The following FAAH2 variants were observed in gnomAD, a reference collection of about 807,000 sequenced individuals.
The protein encoded by FAAH2 is fatty acid amide hydrolase 2, also known as fatty-acid amide hydrolase 2.
Under a neutral mutation model 36.9 loss-of-function variants are expected in FAAH2, and 60 were observed. The observed-to-expected ratio is 1.63, with a 90% CI of 1.32 to 2.02. The LOEUF (loss-of-function observed/expected upper bound fraction) is 2.02. Among genes scored for constraint, FAAH2 ranks in the 30% most tolerant of loss-of-function variants. The pLI is 0.00. For synonymous variants in FAAH2, 214 were observed against 143.8 expected, an observed-to-expected ratio of 1.49 and a Z score of -3.49; for missense variants, 689 against 397.5, an observed-to-expected ratio of 1.73 and a Z score of -6.23.
chrX:57,151,005 T>G, the FAAH2 span, among the ~76,000 whole-genome samples: 2 of 111,869 alleles, frequency 1.8e-5, no homozygotes, highest in Non-Finnish European at 3.8e-5. Context: ...TATTTTATTT[T>G]TCCTTCACTT....
intron 5 of FAAH2, among the ~76,000 whole-genome samples, chrX:57,356,077 T>G (rs2054150695): frequency 9.0e-6 from 1 of 111,370 alleles, no homozygotes; most frequent in Non-Finnish European, 1.9e-5. Context: ...TGTGGATTAA[T>G]ACATTGATTT....
chrX:57,372,473 T>C (rs964249786), intron 5 of FAAH2, among the ~76,000 whole-genome samples: 4 of 111,448 alleles, frequency 3.6e-5, no homozygotes, highest in African/African-American at 1.3e-4. Flanking sequence ...TCTGTTCATG[T>C]GTCTTGTTCA....
chrX:57,239,134 AT>A, the FAAH2 span, among the ~76,000 whole-genome samples: 2 of 111,314 alleles, frequency 1.8e-5, no homozygotes, highest in African/African-American at 6.5e-5. Flanking sequence ...ATAGTGCTCT[AT>A]TTTTTGGAAT....
chrX:57,422,903 T>C (rs1173235163), intron 7 of FAAH2, among the ~76,000 whole-genome samples: 1 of 112,405 alleles, frequency 8.9e-6, no homozygotes, highest in Non-Finnish European at 1.9e-5. Flanking sequence ...TGAAATAAAC[T>C]TCAGAAACTT....
intron 4 of FAAH2, among the ~76,000 whole-genome samples, chrX:57,340,603 A>C (rs895809202): frequency 1.1e-4 from 12 of 112,205 alleles, no homozygotes; most frequent in Admixed American, 1.0e-3. Context: ...ACGGAATGCT[A>C]TTCAGCCATG....
chrX:57,457,674 G>T (rs1390941389), intron 10 of FAAH2, among the ~76,000 whole-genome samples: 2 of 69,161 alleles, frequency 2.9e-5, no homozygotes, highest in Non-Finnish European at 5.8e-5. Flanking sequence ...ATCAAATGAA[G>T]AACAGAATTC....
At chrX:57,226,783 C>T in the FAAH2 span, among the ~76,000 whole-genome samples, 2 of 111,815 alleles carry the variant, frequency 1.8e-5, no homozygotes, top group Admixed American at 9.4e-5. Flanking sequence ...TCAGGAATAC[C>T]GATTATTCTT....
At chrX:57,252,249 G>A in the FAAH2 span, among the ~76,000 whole-genome samples, 1 of 112,869 alleles carries the variant, frequency 8.9e-6, no homozygotes, top group African/African-American at 3.2e-5. Context: ...CTCTAACAGA[G>A]CAGAGCCCAC....
At chrX:57,486,189 C>A (rs781676392) in intron 10 of FAAH2, among the ~76,000 whole-genome samples, 1 of 112,070 alleles carries the variant, frequency 8.9e-6, no homozygotes, top group South Asian at 3.7e-4. Flanking sequence ...TGCTCTTAGG[C>A]TCGAGGAGGT....
chrX:57,449,484 CTTGCAGTG>C (rs2056744394), intron 10 of FAAH2, among the ~76,000 whole-genome samples: 1 of 111,769 alleles, frequency 8.9e-6, no homozygotes, highest in South Asian at 3.7e-4. Flanking sequence ...TAATCTATGC[CTTGCAGTG>C]TTGCAGTTAA....
intron 5 of FAAH2, among the ~76,000 whole-genome samples, chrX:57,369,185 A>AAAATAATGTAAAAGAGC: frequency 9.1e-6 from 1 of 110,002 alleles, no homozygotes; most frequent in East Asian, 2.8e-4. Context: ...GAATAAAAAT[A>AAAATAATGTAAAAGAGC]AAATAATGTA....
chrX:57,305,828 C>T (rs2052506247), intron 2 of FAAH2, among the ~76,000 whole-genome samples: 1 of 111,717 alleles, frequency 9.0e-6, no homozygotes, highest in African/African-American at 3.3e-5. Context: ...TAATCACAGA[C>T]TTTCTCCTTC....
rs750622052 is a variant in FAAH2, at chrX:57,381,747, T to G, written c.996+718T>G. On this transcript the variant is annotated intron_variant, in intron 7 of 10. Coordinates refer to ENST00000374900, the MANE Select transcript of FAAH2 (RefSeq NM_174912.4). ...AATGGGAGACTTTAACACGCCACTG[T>G]CAACATTAGACAGATCAATGAGACA... 3.6e-5 allele frequency: 4 copies of G among 111,284 alleles called. No individual in the cohort carries two copies. The South Asian group carries it at 1.6e-3, about 43-fold the overall frequency. 9.2% of individuals were successfully genotyped at this position (111,284 alleles called of 1,213,427 possible).
At chrX:57,376,316 A>G (rs1418802907) in intron 5 of FAAH2, among the ~76,000 whole-genome samples, 3 of 111,097 alleles carry the variant, frequency 2.7e-5, no homozygotes, top group Non-Finnish European at 5.7e-5. Flanking sequence ...TATACGTGCC[A>G]TGGTGGTTTG....
chrX:57,467,263 G>A (rs138430175), intron 10 of FAAH2, among the ~76,000 whole-genome samples: 344 of 110,873 alleles, frequency 3.1e-3, no homozygotes, highest in African/African-American at 0.011. Flanking sequence ...GCAGGACAGC[G>A]GGTGCAGTGC....
the FAAH2 span, among the ~76,000 whole-genome samples, chrX:57,240,599 G>A: frequency 1.8e-5 from 2 of 112,277 alleles, no homozygotes; most frequent in Admixed American, 1.9e-4. Flanking sequence ...GTCTCCACTG[G>A]CAGAGTGCAG....
intron 3 of FAAH2, among the ~76,000 whole-genome samples, chrX:57,316,692 C>G (rs1451518598): frequency 9.0e-6 from 1 of 111,553 alleles, no homozygotes; most frequent in Non-Finnish European, 1.9e-5. Context: ...TGAATCTACA[C>G]TCTTATCTTT....
chrX:57,209,845 G>T, the FAAH2 span, among the ~76,000 whole-genome samples: 2 of 111,094 alleles, frequency 1.8e-5, no homozygotes, highest in Admixed American at 9.6e-5. Context: ...CAGTCTTTTG[G>T]GAACTCAGGT....
the FAAH2 span, among the ~76,000 whole-genome samples, chrX:57,168,804 A>C: frequency 2.7e-5 from 3 of 111,780 alleles, no homozygotes; most frequent in Non-Finnish European, 5.6e-5. Context: ...TATTACATGC[A>C]TTTTATAATA....
Sources: allele counts gnomAD v4.1 joint callset (sites outside exome capture counted in the v4.1 genomes callset), GRCh38; gene constraint gnomAD v4.1.1; transcripts MANE v1.5; gene names NCBI Gene and HGNC (gene_info 2026-07-23, HGNC 2026-07-21).